SIK2: variants seen among roughly 807,000 people sequenced by gnomAD.
The protein encoded by SIK2 is salt inducible kinase 2.
SIK2 carries 29 observed loss-of-function variants against 103.2 expected under a neutral mutation model. The ratio of observed to expected loss-of-function variants is 0.28; its 90% CI spans 0.21 to 0.38. The LOEUF (loss-of-function observed/expected upper bound fraction) is 0.38. Among genes scored for constraint, SIK2 ranks in the 10% least tolerant of loss-of-function variants. The probability of loss-of-function intolerance (pLI) is 1.00; values close to 1 mark genes in which losing one functional copy is unlikely to be tolerated. For missense variants in SIK2, 879 were observed against 1,171.0 expected (o/e 0.75, Z 3.64); for synonymous variants, 412 against 446.1 (o/e 0.92, Z 0.96).
At chr11:111,625,011 G>C (rs1941943045) in intron 3 of SIK2, among the ~76,000 whole-genome samples, 2 of 152,118 alleles carry the variant, frequency 1.3e-5, no homozygotes, top group Non-Finnish European at 2.9e-5. Flanking sequence ...TAACAGGGAG[G>C]CCAGTATGGC....
chr11:111,676,419 A>T (rs1467760254), intron 3 of SIK2, among the ~76,000 whole-genome samples: 1 of 152,242 alleles, frequency 6.6e-6, no homozygotes, highest in East Asian at 1.9e-4. Flanking sequence ...CCTTGCCAGC[A>T]TCTCTTCTTT....
chr11:111,665,282 CAA>C (rs56918186), intron 3 of SIK2, among the ~76,000 whole-genome samples: 1 of 136,992 alleles, frequency 7.3e-6, no homozygotes, highest in African/African-American at 2.7e-5. Context: ...CCCATGTTTA[CAA>C]AAAAAAAAAA....
intron 1 of SIK2, among the ~76,000 whole-genome samples, chr11:111,606,732 T>C (rs1941653640): frequency 6.6e-6 from 1 of 152,118 alleles, no homozygotes; most frequent in Non-Finnish European, 1.5e-5. Context: ...AAAGGAAATT[T>C]CCTAAGTAAC....
chr11:111,704,922 G>A (rs1381009404), intron 7 of SIK2, 65 bp from the exon 8 acceptor site: 3 of 1,474,362 alleles, frequency 2.0e-6, no homozygotes, highest in Non-Finnish European at 2.7e-6. Context: ...TTTTTTTTAG[G>A]CATGTGTAGA....
chr11:111,718,095 T>G lies in SIK2; in HGVS notation c.1267-1680T>G, dbSNP rs568350334. 2.0e-5 allele frequency among the ~76,000 whole-genome samples: 3 copies of G among 152,300 alleles called. No homozygotes were observed. In the East Asian group the frequency reaches 5.8e-4, roughly 29 times the overall value. The stretch of plus-strand genomic sequence containing the variant: ...AAAAATTGAAGAAAAAAAAAGAACT[T>G]GCTTATATGGCTTATCCTATAAGAA... On this transcript the variant is annotated intron_variant, in intron 9 of 14. Coordinates refer to ENST00000304987, the MANE Select transcript of SIK2 (RefSeq NM_015191.3).
intron 2 of SIK2, among the ~76,000 whole-genome samples, chr11:111,616,911 G>A (rs1941814292): frequency 6.6e-6 from 1 of 152,032 alleles, no homozygotes; most frequent in Non-Finnish European, 1.5e-5. Context: ...TAATAAGGAT[G>A]TGGCAGTTTT....
intron 3 of SIK2, among the ~76,000 whole-genome samples, chr11:111,637,407 C>T (rs573079803): frequency 6.7e-6 from 1 of 149,476 alleles, no homozygotes; most frequent in Admixed American, 6.7e-5. Context: ...CATAGGTAAA[C>T]GTGTGCCATG....
intron 4 of SIK2, among the ~76,000 whole-genome samples, chr11:111,694,315 C>T (rs1372420584): frequency 6.6e-6 from 1 of 152,064 alleles, no homozygotes; most frequent in Non-Finnish European, 1.5e-5. Context: ...TCTCAATTGT[C>T]TCTGGTTGAT....
At chr11:111,671,738 C>T in intron 3 of SIK2, 1 of 400,130 alleles carries the variant, frequency 2.5e-6, no homozygotes, top group East Asian at 6.6e-5. Flanking sequence ...ATCAGTCAAC[C>T]CTTCCAGGTG....
At chr11:111,668,839 C>T (rs1023136466) in intron 3 of SIK2, among the ~76,000 whole-genome samples, 2 of 152,148 alleles carry the variant, frequency 1.3e-5, no homozygotes, top group African/African-American at 2.4e-5. Context: ...AGGATTGATG[C>T]AGTTCAAGAA....
intron 3 of SIK2, among the ~76,000 whole-genome samples, chr11:111,653,888 T>A (rs1454723309): frequency 6.6e-6 from 1 of 152,242 alleles, no homozygotes; most frequent in East Asian, 1.9e-4. Context: ...TTTCATAAGT[T>A]ATCTATACAG....
At position 111,626,516 on chromosome 11, in the gene SIK2, C is replaced by G. The variant is rs1035193484; in HGVS notation, c.316+6114C>G. On this transcript the variant is annotated intron_variant, in intron 3 of 14. Coordinates refer to ENST00000304987, the MANE Select transcript of SIK2 (RefSeq NM_015191.3). ...CCTATTCTACTTCCTAAGTATTTCT[C>G]TAGGAGGTCCCCATCTCTATAACCA... Among the ~76,000 whole-genome samples, 16 of 151,778 alleles carry G rather than the reference C, an allele frequency of 1.1e-4. 1 individual carries two copies. Among genetic ancestry groups the G allele is most frequent in the Non-Finnish European group, 2.1e-4 (14 of 67,932 alleles).
chr11:111,652,055 T>G (rs1228941964), intron 3 of SIK2, among the ~76,000 whole-genome samples: 1 of 152,196 alleles, frequency 6.6e-6, no homozygotes, highest in East Asian at 1.9e-4. Flanking sequence ...GCTTCTAAGA[T>G]CCCACCTAAA....
chr11:111,658,093 TA>T (rs1415962497), intron 3 of SIK2, among the ~76,000 whole-genome samples: 221 of 4,850 alleles, frequency 0.046, no homozygotes, highest in African/African-American at 0.13. Context: ...ATTTTTATTT[TA>T]TTTATTTATT....
At chr11:111,681,044 C>G (rs1361656047) in intron 3 of SIK2, among the ~76,000 whole-genome samples, 2 of 152,114 alleles carry the variant, frequency 1.3e-5, no homozygotes, top group African/African-American at 4.8e-5. Context: ...TGAGCTCTGT[C>G]TTGATAACAT....
At position 111,728,001 on chromosome 11, in the gene SIK2, C is replaced by G. The variant is rs1944031924; in HGVS notation, c.*3872C>G. ...CCTATTGGTTTAAAGAAAATTCATA[C>G]TCCAGGTAACTTTTTCCCATTCGAC... On this transcript the variant is annotated 3_prime_UTR_variant, in exon 15 of 15. Transcript: ENST00000304987. 6.6e-6 allele frequency: 1 copy of G among 152,228 alleles called. No homozygotes were observed. The highest frequency in any genetic ancestry group is 2.1e-4 in the South Asian group (1 of 4,836). The allele number at this position is 152,228 out of a possible 1,614,324, so 9.4% of individuals were successfully genotyped here. A position where few individuals can be genotyped will look rare whatever the true frequency, so the allele number is the denominator to read the frequency against.
In SIK2 at chr11:111,701,663, A is replaced by G; in HGVS notation, c.727+88A>G. 1 of 1,495,352 alleles carries G rather than the reference A, an allele frequency of 6.7e-7. No homozygotes were observed. Among genetic ancestry groups the G allele is most frequent in the Non-Finnish European group, 9.0e-7 (1 of 1,110,264 alleles). 92.6% of individuals were successfully genotyped at this position (1,495,352 alleles called of 1,614,324 possible). On this transcript the variant is annotated intron_variant, in intron 6 of 14. Transcript: ENST00000304987. This position sits in a 1 kb window ranked among gnomAD's most constrained non-coding sequence, Gnocchi z 4.2. ...AGGTAAAAGCTTCTTTTTTTCTAAG[A>G]GTTTGGGTGCCAAATAAAGTGACTG...
At chr11:111,723,405 G>T in intron 14 of SIK2, 91 bp from the exon 15 acceptor site, 1 of 1,361,598 alleles carries the variant, frequency 7.3e-7, no homozygotes, top group East Asian at 2.3e-5. Flanking sequence ...TTAAGTAGAA[G>T]ACTGAAGCTA....
At chr11:111,680,088 C>T (rs1245238166) in intron 3 of SIK2, among the ~76,000 whole-genome samples, 1 of 151,776 alleles carries the variant, frequency 6.6e-6, no homozygotes, top group Non-Finnish European at 1.5e-5. Flanking sequence ...CACCATTGCA[C>T]TCCAGCCTGG....
Sources: allele counts gnomAD v4.1 joint callset (sites outside exome capture counted in the v4.1 genomes callset), GRCh38; gene constraint gnomAD v4.1.1; non-coding constraint Gnocchi (gnomAD v3.1); transcripts MANE v1.5; gene names NCBI Gene and HGNC (gene_info 2026-07-23, HGNC 2026-07-21).